ZBTB20: variants seen among roughly 807,000 people sequenced by gnomAD.
The protein encoded by ZBTB20 is zinc finger and BTB domain-containing protein 20.
A neutral mutation model predicts 56.9 loss-of-function variants in ZBTB20; 9 were observed. The ratio of observed to expected loss-of-function variants is 0.16; its 90% CI spans 0.10 to 0.28. The LOEUF (loss-of-function observed/expected upper bound fraction) is 0.28. Among genes scored for constraint, ZBTB20 ranks in the 10% least tolerant of loss-of-function variants. The pLI is 1.00. For missense variants in ZBTB20, 655 were observed against 1,003.0 expected (o/e 0.65, Z 4.69); for synonymous variants, 417 against 420.7 (o/e 0.99, Z 0.11).
At chr3:114,673,891 C>CA (rs2061493428) in intron 6 of ZBTB20, among the ~76,000 whole-genome samples, 1 of 152,008 alleles carries the variant, frequency 6.6e-6, no homozygotes, top group South Asian at 2.1e-4. Context: ...TATGAAGTTC[C>CA]AGGTAAATTT....
chr3:114,538,232 T>C (rs1427398729), intron 6 of ZBTB20, among the ~76,000 whole-genome samples: 1 of 152,290 alleles, frequency 6.6e-6, no homozygotes, highest in East Asian at 1.9e-4. Flanking sequence ...CTCACATTTA[T>C]TTTAAGTGTT....
At chr3:114,376,911 C>G (rs536041514) in intron 10 of ZBTB20, among the ~76,000 whole-genome samples, 9 of 152,178 alleles carry the variant, frequency 5.9e-5, no homozygotes, top group African/African-American at 1.9e-4. Flanking sequence ...TCAATGGGAG[C>G]CTTATTTGGG....
At chr3:114,838,160 A>G (rs1442940456) in intron 4 of ZBTB20, among the ~76,000 whole-genome samples, 1 of 152,214 alleles carries the variant, frequency 6.6e-6, no homozygotes, top group Non-Finnish European at 1.5e-5. Context: ...GGCCTCATGA[A>G]TCAAAGGCAG....
At chr3:114,619,744 T>C (rs1231350630) in intron 6 of ZBTB20, among the ~76,000 whole-genome samples, 1 of 152,186 alleles carries the variant, frequency 6.6e-6, no homozygotes, top group Non-Finnish European at 1.5e-5. Context: ...ACAACTGCAG[T>C]AGGCTATTTT....
At chr3:114,534,628 G>C (rs991556940) in intron 6 of ZBTB20, among the ~76,000 whole-genome samples, 1 of 151,984 alleles carries the variant, frequency 6.6e-6, no homozygotes, top group African/African-American at 2.4e-5. Flanking sequence ...TCAGCCCTGG[G>C]AACAAGTGGA....
chr3:115,044,884 G>T lies in ZBTB20; in HGVS notation c.-507+26335C>A, dbSNP rs973541107. Among the ~76,000 whole-genome samples the T allele has an allele frequency of 3.3e-5, 5 of 152,206 alleles. No homozygotes were observed. In the South Asian group the frequency reaches 8.3e-4, roughly 25 times the overall value. ...AATCCAGAACAATGACTGGCTCACAGTATGTACTCATTTGTAGGTGGTATT... is the reference window on the plus strand; with the variant it reads ...AATCCAGAACAATGACTGGCTCACATTATGTACTCATTTGTAGGTGGTATT... On this transcript the variant is annotated intron_variant, in intron 2 of 11. Transcript: ENST00000675478.
At chr3:114,869,825 C>G (rs534574145) in intron 4 of ZBTB20, among the ~76,000 whole-genome samples, 1 of 152,216 alleles carries the variant, frequency 6.6e-6, no homozygotes, top group African/African-American at 2.4e-5. Context: ...TCCTTTCTTA[C>G]AAACAAATAG....
chr3:114,653,683 C>T (rs2060245360), intron 6 of ZBTB20, among the ~76,000 whole-genome samples: 2 of 151,876 alleles, frequency 1.3e-5, no homozygotes, highest in South Asian at 2.1e-4. Flanking sequence ...TGAAAGAGTC[C>T]GTGTAGGATT....
At chr3:115,014,997 A>T (rs2079885439) in intron 2 of ZBTB20, among the ~76,000 whole-genome samples, 1 of 151,810 alleles carries the variant, frequency 6.6e-6, no homozygotes, top group Non-Finnish European at 1.5e-5. Flanking sequence ...TTTTAATGAC[A>T]TCACATTTGT....
chr3:114,606,814 G>A (rs572704924), intron 6 of ZBTB20, among the ~76,000 whole-genome samples: 23 of 152,156 alleles, frequency 1.5e-4, no homozygotes, highest in African/African-American at 5.1e-4. Flanking sequence ...ACATTTTTGC[G>A]GCCAGGCACT....
At chr3:114,528,970 C>T (rs1276531276) in intron 6 of ZBTB20, 1 of 152,222 alleles carries the variant, frequency 6.6e-6, no homozygotes, top group Admixed American at 6.5e-5. Context: ...TCAATCCCCC[C>T]TTTCCCTATT....
chr3:114,384,509 G>A (rs2084847349), intron 8 of ZBTB20, among the ~76,000 whole-genome samples: 1 of 150,796 alleles, frequency 6.6e-6, no homozygotes, highest in South Asian at 2.1e-4. Flanking sequence ...GCAGGCACCC[G>A]CCTTTCAACG....
chr3:114,382,657 G>A (rs1272470996), intron 8 of ZBTB20, among the ~76,000 whole-genome samples: 1 of 152,032 alleles, frequency 6.6e-6, no homozygotes, highest in Admixed American at 6.6e-5. Flanking sequence ...GTCTTTCTCC[G>A]AAATGCCTAA....
chr3:114,669,075 A>G (rs911265592), intron 6 of ZBTB20, among the ~76,000 whole-genome samples: 15 of 152,030 alleles, frequency 9.9e-5, no homozygotes, highest in African/African-American at 3.6e-4. Flanking sequence ...CAATTTTGCC[A>G]CCCCCTTCCC....
intron 5 of ZBTB20, among the ~76,000 whole-genome samples, chr3:114,741,719 A>C (rs959547625): frequency 5.6e-5 from 6 of 107,666 alleles, no homozygotes; most frequent in Non-Finnish European, 8.9e-5. Flanking sequence ...CTGAAAATAC[A>C]AAAAAAAAAA....
intron 4 of ZBTB20, among the ~76,000 whole-genome samples, chr3:114,849,274 T>C (rs9821637): frequency 0.75 from 114,341 of 152,160 alleles, 47,389 homozygotes; most frequent in East Asian, 0.99. Context: ...TTCTTTTAAG[T>C]GTAAGAACCT....
intron 5 of ZBTB20, among the ~76,000 whole-genome samples, chr3:114,747,090 ATATAGT>A (rs535285267): frequency 9.9e-5 from 15 of 152,230 alleles, no homozygotes; most frequent in Non-Finnish European, 1.5e-4. Flanking sequence ...TTGTAAAAAC[ATATAGT>A]TATATCAGAA....
intron 5 of ZBTB20, among the ~76,000 whole-genome samples, chr3:114,777,832 C>G (rs866335546): frequency 3.9e-5 from 6 of 151,998 alleles, no homozygotes; most frequent in Admixed American, 3.9e-4. Context: ...ATAGCAAAGA[C>G]TTGGAACCAA....
At chr3:115,134,389 C>T (rs2084596987) in intron 1 of ZBTB20, among the ~76,000 whole-genome samples, 1 of 152,120 alleles carries the variant, frequency 6.6e-6, no homozygotes, top group Non-Finnish European at 1.5e-5. Flanking sequence ...TCTTAGCAGC[C>T]AAGTGCAGAG....
Sources: allele counts gnomAD v4.1 joint callset (sites outside exome capture counted in the v4.1 genomes callset), GRCh38; gene constraint gnomAD v4.1.1; transcripts MANE v1.5; gene names NCBI Gene and HGNC (gene_info 2026-07-23, HGNC 2026-07-21).